PDE10A: variants seen among roughly 807,000 people sequenced by gnomAD.
PDE10A encodes cAMP and cAMP-inhibited cGMP 3',5'-cyclic phosphodiesterase 10A.
Under a neutral mutation model 97.7 loss-of-function variants are expected in PDE10A, and 39 were observed. That is an observed-to-expected ratio of 0.40 (90% CI 0.31 to 0.52). The LOEUF (loss-of-function observed/expected upper bound fraction) is 0.52. Among genes scored for constraint, PDE10A ranks in the 20% least tolerant of loss-of-function variants. PDE10A has a pLI of 0.56. For missense variants in PDE10A, 731 were observed against 1,047.8 expected, an observed-to-expected ratio of 0.70 and a Z score of 4.17; for synonymous variants, 371 against 376.8, an observed-to-expected ratio of 0.98 and a Z score of 0.18.
At chr6:165,727,406 G>C (rs1306820436) in intron 1 of PDE10A, among the ~76,000 whole-genome samples, 1 of 152,228 alleles carries the variant, frequency 6.6e-6, no homozygotes, top group African/African-American at 2.4e-5. Context: ...CTGAGGGAGA[G>C]AGAGGAGGCT....
At chr6:165,681,950 G>A (rs571660568) in intron 1 of PDE10A, among the ~76,000 whole-genome samples, 2 of 152,274 alleles carry the variant, frequency 1.3e-5, no homozygotes, top group African/African-American at 4.8e-5. Flanking sequence ...TCAAAGGAGG[G>A]TAGGATGCCT....
chr6:165,444,467 A>C (rs968966700), intron 5 of PDE10A, among the ~76,000 whole-genome samples: 37 of 152,172 alleles, frequency 2.4e-4, no homozygotes, highest in Non-Finnish European at 1.5e-5. Context: ...ATCTCTCAAT[A>C]ATTAAAAATA....
At chr6:165,489,241 T>A (rs1218399793) in intron 2 of PDE10A, among the ~76,000 whole-genome samples, 1 of 152,120 alleles carries the variant, frequency 6.6e-6, no homozygotes, top group African/African-American at 2.4e-5. Context: ...TATCCACAGC[T>A]GAAAGACCTA....
At chr6:165,457,277 A>G (rs1778009380) in intron 3 of PDE10A, among the ~76,000 whole-genome samples, 1 of 152,196 alleles carries the variant, frequency 6.6e-6, no homozygotes, top group African/African-American at 2.4e-5. Flanking sequence ...AAGAGAAACT[A>G]CAACAAGTTT....
intron 2 of PDE10A, 58 bp downstream of exon 2, chr6:165,543,382 G>A (rs965197552): frequency 1.3e-5 from 19 of 1,478,076 alleles, no homozygotes; most frequent in Middle Eastern, 3.5e-4. Flanking sequence ...TAAATGCTTA[G>A]TCTTTTGCCG....
intron 1 of PDE10A, among the ~76,000 whole-genome samples, chr6:165,728,673 T>A (rs1792354935): frequency 6.6e-6 from 1 of 152,100 alleles, no homozygotes; most frequent in Admixed American, 6.5e-5. Flanking sequence ...AAAATGTAGA[T>A]AAGGTACACA....
At chr6:165,971,883 A>G (rs144370884) in intron 1 of PDE10A, among the ~76,000 whole-genome samples, 1 of 152,058 alleles carries the variant, frequency 6.6e-6, no homozygotes, top group African/African-American at 2.4e-5. Context: ...GACTACCCAG[A>G]TTTCACTCTT....
At chr6:165,812,957 C>T (rs1023126942) in intron 1 of PDE10A, among the ~76,000 whole-genome samples, 4 of 152,152 alleles carry the variant, frequency 2.6e-5, no homozygotes, top group Admixed American at 2.6e-4. Context: ...AAGTATCCAC[C>T]CCTAATTTCT....
intron 2 of PDE10A, among the ~76,000 whole-genome samples, chr6:165,537,935 ATATAT>A (rs1170097618): frequency 6.6e-6 from 1 of 152,008 alleles, no homozygotes; most frequent in East Asian, 1.9e-4. Context: ...CTAATAGTTA[ATATAT>A]TATTTATTAG....
chr6:165,366,860 A>T (rs1025456156), intron 18 of PDE10A, among the ~76,000 whole-genome samples: 1 of 152,208 alleles, frequency 6.6e-6, no homozygotes, highest in African/African-American at 2.4e-5. Context: ...GAGAAATGCA[A>T]CTGGCCACTA....
intron 1 of PDE10A, among the ~76,000 whole-genome samples, chr6:165,620,989 C>A (rs1323981226): frequency 1.3e-5 from 2 of 150,268 alleles, no homozygotes; most frequent in African/African-American, 4.9e-5. Context: ...CCACTGCACT[C>A]CAGCCTGGCA....
chr6:165,331,389 A>G lies in PDE10A; in HGVS notation c.*1636T>C, dbSNP rs902991826. On this transcript the variant is annotated 3_prime_UTR_variant, in exon 22 of 22. Coordinates refer to ENST00000539869, the MANE Select transcript of PDE10A (RefSeq NM_001385079.1). ...GAACACATAGTGTTAATTTTAAAAT[A>G]AGAACAATGTTTATGTAGAGCCAAC... 6 of 152,242 alleles carry G rather than the reference A, an allele frequency of 3.9e-5. No homozygotes were observed. The highest frequency in any genetic ancestry group is 1.5e-5 in the Non-Finnish European group (1 of 68,038). 9.4% of individuals were successfully genotyped at this position (152,242 alleles called of 1,614,324 possible).
intron 17 of PDE10A, among the ~76,000 whole-genome samples, chr6:165,385,047 T>A (rs1197566326): frequency 1.3e-5 from 2 of 152,186 alleles, no homozygotes; most frequent in Non-Finnish European, 2.9e-5. Context: ...GGTATTCATA[T>A]TATGAAACTA....
chr6:165,868,214 CAACAA>C (rs1333355166), intron 1 of PDE10A, among the ~76,000 whole-genome samples: 2 of 151,840 alleles, frequency 1.3e-5, no homozygotes, highest in Non-Finnish European at 2.9e-5. Context: ...AATAAAAGAT[CAACAA>C]AACAAAAAAT....
At chr6:165,763,845 A>C (rs567693674) in intron 1 of PDE10A, among the ~76,000 whole-genome samples, 2 of 152,344 alleles carry the variant, frequency 1.3e-5, no homozygotes, top group East Asian at 3.9e-4. Context: ...AGTAATTGCT[A>C]CCTCGTATTG....
At chr6:165,799,550 G>A (rs777417925) in intron 1 of PDE10A, among the ~76,000 whole-genome samples, 5 of 151,914 alleles carry the variant, frequency 3.3e-5, no homozygotes, top group African/African-American at 9.7e-5. Flanking sequence ...TTGTATCTCG[G>A]GCCATAAGGC....
intron 1 of PDE10A, among the ~76,000 whole-genome samples, chr6:165,805,212 G>A (rs964292569): frequency 6.6e-6 from 1 of 152,044 alleles, no homozygotes; most frequent in South Asian, 2.1e-4. Flanking sequence ...GCCTCGGGTC[G>A]CAGGGCACCC....
chr6:165,395,720 C>T (rs1208925043), intron 14 of PDE10A, among the ~76,000 whole-genome samples: 1 of 151,928 alleles, frequency 6.6e-6, no homozygotes, highest in East Asian at 1.9e-4. Context: ...ATTTAGTTAC[C>T]AACATTAGAC....
chr6:165,695,190 T>A, intron 1 of PDE10A, among the ~76,000 whole-genome samples: 1 of 142,632 alleles, frequency 7.0e-6, no homozygotes, highest in African/African-American at 2.6e-5. Context: ...TGCTCCCCAG[T>A]GAGCCTGGTG....
Sources: allele counts gnomAD v4.1 joint callset (sites outside exome capture counted in the v4.1 genomes callset), GRCh38; gene constraint gnomAD v4.1.1; transcripts MANE v1.5; gene names NCBI Gene and HGNC (gene_info 2026-07-23, HGNC 2026-07-21).